The following TENM3 variants were observed in gnomAD, a reference collection of about 807,000 sequenced individuals.
TENM3 encodes teneurin transmembrane protein 3.
In TENM3, 63 loss-of-function variants were observed where a neutral mutation model predicts 255.1. The ratio of observed to expected loss-of-function variants is 0.25; its 90% CI spans 0.20 to 0.30. The LOEUF is 0.30. Ranked by LOEUF, TENM3 falls within the 10% of genes least tolerant of loss-of-function variation. TENM3 has a pLI of 1.00. For missense variants in TENM3, 2,929 were observed against 3,461.1 expected (o/e 0.85, Z 3.86); for synonymous variants, 1,306 against 1,322.3 (o/e 0.99, Z 0.27).
intron 3 of TENM3, among the ~76,000 whole-genome samples, chr4:182,479,165 A>G (rs1017847370): frequency 1.3e-5 from 2 of 151,946 alleles, no homozygotes; most frequent in African/African-American, 4.8e-5. Context: ...TAGACACAAA[A>G]TACAGTCTTT....
chr4:181,589,322 T>C, the TENM3 span, among the ~76,000 whole-genome samples: 1 of 152,230 alleles, frequency 6.6e-6, no homozygotes, highest in African/African-American at 2.4e-5. Context: ...GACTTTGGTT[T>C]ATAAATTACT....
intron 3 of TENM3, among the ~76,000 whole-genome samples, chr4:182,371,825 G>T (rs917280489): frequency 1.3e-5 from 2 of 152,126 alleles, no homozygotes; most frequent in Non-Finnish European, 2.9e-5. Flanking sequence ...GTTCTTAATA[G>T]ACCAGGATGA....
At chr4:182,297,910 T>A (rs184238573) in intron 1 of TENM3, among the ~76,000 whole-genome samples, 1 of 152,298 alleles carries the variant, frequency 6.6e-6, no homozygotes, top group Non-Finnish European at 1.5e-5. Flanking sequence ...ACTCATGGAC[T>A]TTCTCAGGCC....
chr4:182,455,837 T>C (rs1477529965), intron 3 of TENM3, among the ~76,000 whole-genome samples: 3 of 152,114 alleles, frequency 2.0e-5, no homozygotes, highest in Non-Finnish European at 1.5e-5. Flanking sequence ...GCTGGGATGA[T>C]AGGCATGAGC....
the TENM3 span, among the ~76,000 whole-genome samples, chr4:181,640,563 A>G: frequency 6.6e-6 from 1 of 152,054 alleles, no homozygotes; most frequent in Non-Finnish European, 1.5e-5. Flanking sequence ...ACCCTTTATC[A>G]TACTTATGCA....
the TENM3 span, among the ~76,000 whole-genome samples, chr4:181,460,576 A>G: frequency 2.2e-5 from 3 of 137,344 alleles, no homozygotes; most frequent in Admixed American, 7.4e-5. Flanking sequence ...ATTTGCCCAG[A>G]TATTTTTTCT....
At chr4:181,532,103 G>A in the TENM3 span, among the ~76,000 whole-genome samples, 36 of 152,264 alleles carry the variant, frequency 2.4e-4, no homozygotes, top group South Asian at 3.3e-3. Flanking sequence ...GAAGTAGAGC[G>A]TGTCTGGGAA....
rs766060343 is a variant in TENM3, at chr4:182,753,472, A to T, written c.3885A>T (p.Gly1295=). The change falls in exon 21 of 28, where the codon GGA becomes GGT. Residue 1295 remains glycine, a synonymous_variant. Transcript: ENST00000511685. The part of the protein sequence containing the change: ...SPKGMAVDKN[G]LIYFVDGTMI... ...CAGGAATGGCAGTTGATAAGAATGGATTAATCTACTTTGTTGATGGAACCA... is the reference window on the plus strand; with the variant it reads ...CAGGAATGGCAGTTGATAAGAATGGTTTAATCTACTTTGTTGATGGAACCA... The T allele has an allele frequency of 3.1e-6, 5 of 1,613,834 alleles. No homozygotes were observed. Among genetic ancestry groups the T allele is most frequent in the Non-Finnish European group, 4.2e-6 (5 of 1,179,780 alleles).
the TENM3 span, among the ~76,000 whole-genome samples, chr4:181,718,236 A>G: frequency 5.3e-5 from 8 of 152,304 alleles, no homozygotes; most frequent in East Asian, 1.5e-3. Context: ...ACATTCAAAG[A>G]TTTCCTGTGA....
the TENM3 span, among the ~76,000 whole-genome samples, chr4:181,728,833 G>A: frequency 9.2e-5 from 14 of 152,156 alleles, 1 homozygote; most frequent in African/African-American, 2.2e-4. Flanking sequence ...AGATGGAGTC[G>A]CTCTGGTTCA....
chr4:181,901,069 G>A, the TENM3 span, among the ~76,000 whole-genome samples: 1 of 152,138 alleles, frequency 6.6e-6, no homozygotes, highest in African/African-American at 2.4e-5. Context: ...CCTTCTCAAT[G>A]ATCAAGGGAC....
At chr4:181,781,416 CTCTG>C in the TENM3 span, among the ~76,000 whole-genome samples, 1 of 151,748 alleles carries the variant, frequency 6.6e-6, no homozygotes, top group Non-Finnish European at 1.5e-5. Context: ...TTATTTGGCT[CTCTG>C]TCTGTTATTG....
chr4:182,678,490 C>T (rs916995336), intron 7 of TENM3, among the ~76,000 whole-genome samples: 7 of 152,134 alleles, frequency 4.6e-5, no homozygotes, highest in African/African-American at 7.2e-5. Flanking sequence ...AAGCCCATGG[C>T]GTTCTCCATG....
chr4:181,941,953 G>A, the TENM3 span, among the ~76,000 whole-genome samples: 1 of 152,108 alleles, frequency 6.6e-6, no homozygotes, highest in Non-Finnish European at 1.5e-5. Flanking sequence ...CGCAGGAGAC[G>A]CTTCTATCAG....
At chr4:182,496,486 A>G (rs186127815) in intron 3 of TENM3, among the ~76,000 whole-genome samples, 2 of 151,704 alleles carry the variant, frequency 1.3e-5, no homozygotes, top group African/African-American at 2.4e-5. Flanking sequence ...GTCTTGGGTT[A>G]GTATTTGTTG....
chr4:181,467,762 A>G, the TENM3 span, among the ~76,000 whole-genome samples: 1 of 152,154 alleles, frequency 6.6e-6, no homozygotes, highest in Non-Finnish European at 1.5e-5. Context: ...TAGCATTGAT[A>G]TATATTTAAA....
At chr4:181,530,866 A>T in the TENM3 span, among the ~76,000 whole-genome samples, 1 of 152,084 alleles carries the variant, frequency 6.6e-6, no homozygotes, top group Non-Finnish European at 1.5e-5. Flanking sequence ...TGATCTAAGA[A>T]GTTCTAGTTA....
intron 13 of TENM3, among the ~76,000 whole-genome samples, chr4:182,717,650 A>G (rs991699445): frequency 2.0e-5 from 3 of 152,212 alleles, no homozygotes; most frequent in Admixed American, 6.5e-5. Flanking sequence ...AACAATGCTC[A>G]CTGGACCAGA....
chr4:181,683,786 C>T, the TENM3 span, among the ~76,000 whole-genome samples: 1 of 152,088 alleles, frequency 6.6e-6, no homozygotes, highest in South Asian at 2.1e-4. Flanking sequence ...CGATGACGGA[C>T]CCTGTGCTGT....
Sources: gnomAD v4.1 joint callset for allele counts (sites outside exome capture counted in the v4.1 genomes callset) on GRCh38, gnomAD v4.1.1 for gene constraint, MANE v1.5 for transcripts, NCBI Gene and HGNC (gene_info 2026-07-23, HGNC 2026-07-21) for gene names.